The following PCNX2 variants were observed in gnomAD, a reference collection of about 807,000 sequenced individuals.
PCNX2 encodes the protein pecanex-like protein 2.
PCNX2 carries 168 observed loss-of-function variants against 223.8 expected under a neutral mutation model. That is an observed-to-expected ratio of 0.75 (90% CI 0.66 to 0.85). The LOEUF is 0.85. Ranked by LOEUF, PCNX2 falls within the 40% of genes least tolerant of loss-of-function variation. PCNX2 has a pLI of 0.00. For synonymous variants in PCNX2, 1,006 were observed against 1,052.6 expected (o/e 0.96, Z 0.86); for missense variants, 2,507 against 2,675.5 (o/e 0.94, Z 1.39).
intron 10 of PCNX2, among the ~76,000 whole-genome samples, chr1:233,226,269 T>G (rs1167017093): frequency 6.6e-6 from 1 of 152,042 alleles, no homozygotes; most frequent in Non-Finnish European, 1.5e-5. Context: ...TCATGTTTTC[T>G]TTTTTCTGGG....
chr1:233,219,623 C>G (rs1404993614), intron 10 of PCNX2, among the ~76,000 whole-genome samples: 4 of 151,834 alleles, frequency 2.6e-5, no homozygotes, highest in Non-Finnish European at 5.9e-5. Flanking sequence ...CAATTGTGAA[C>G]ATTTAAAAAA....
chr1:233,112,784 A>G, intron 21 of PCNX2: 1 of 1,192,298 alleles, frequency 8.4e-7, no homozygotes, highest in South Asian at 1.6e-5. Flanking sequence ...TGAAGAAAAA[A>G]ATTTTAAGTC....
chr1:233,188,434 C>A (rs1680227744), intron 15 of PCNX2, among the ~76,000 whole-genome samples: 1 of 152,118 alleles, frequency 6.6e-6, no homozygotes, highest in Non-Finnish European at 1.5e-5. Context: ...TTTTTCTGTC[C>A]CTGCCCTCTG....
At chr1:233,097,738 T>C (rs1330415481) in intron 21 of PCNX2, among the ~76,000 whole-genome samples, 1 of 152,218 alleles carries the variant, frequency 6.6e-6, no homozygotes, top group African/African-American at 2.4e-5. Flanking sequence ...TACCAGTCAT[T>C]AGGTGACTCC....
At chr1:233,132,120 A>G (rs1057017005) in intron 21 of PCNX2, among the ~76,000 whole-genome samples, 3 of 152,028 alleles carry the variant, frequency 2.0e-5, no homozygotes, top group Non-Finnish European at 4.4e-5. Context: ...TTGTATTTTC[A>G]GTAGAGATGA....
intron 21 of PCNX2, among the ~76,000 whole-genome samples, chr1:233,103,874 T>C (rs561583383): frequency 1.3e-5 from 2 of 152,270 alleles, no homozygotes; most frequent in South Asian, 4.1e-4. Flanking sequence ...TTCTCTATAG[T>C]GGTTTACTAA....
upstream of PCNX2, among the ~76,000 whole-genome samples, chr1:233,297,392 G>T (rs898711019): frequency 1.3e-5 from 2 of 152,208 alleles, no homozygotes; most frequent in African/African-American, 4.8e-5. Flanking sequence ...TCAAAGACTT[G>T]CAATAAAATG....
chr1:233,183,931 C>T (rs1558319222), intron 15 of PCNX2, among the ~76,000 whole-genome samples: 2 of 152,214 alleles, frequency 1.3e-5, no homozygotes, highest in South Asian at 2.1e-4. Flanking sequence ...ATAGGGCTGG[C>T]TCTTCCATCC....
intron 1 of PCNX2, among the ~76,000 whole-genome samples, chr1:233,286,477 G>T (rs1452204754): frequency 1.3e-5 from 2 of 152,182 alleles, no homozygotes; most frequent in African/African-American, 4.8e-5. Context: ...CTCCTAGAGT[G>T]TGGTGGGGAA....
intron 1 of PCNX2, among the ~76,000 whole-genome samples, chr1:233,267,269 A>G (rs1327929621): frequency 3.3e-5 from 5 of 149,672 alleles, no homozygotes; most frequent in African/African-American, 1.2e-4. Context: ...ATGAGCCAAG[A>G]TCGCACGCAC....
At chr1:233,241,193 T>G in intron 8 of PCNX2, 3 of 985,378 alleles carry the variant, frequency 3.0e-6, no homozygotes, top group Non-Finnish European at 3.6e-6. Context: ...ACAGTAAAAT[T>G]TGTGTGAGTA....
At chr1:233,070,025 TG>T (rs1672782047) in intron 23 of PCNX2, among the ~76,000 whole-genome samples, 1 of 152,194 alleles carries the variant, frequency 6.6e-6, no homozygotes, top group Admixed American at 6.5e-5. Context: ...TACAAATAAC[TG>T]TATACACTAC....
At chr1:233,254,668 T>C (rs546440806) in intron 5 of PCNX2, among the ~76,000 whole-genome samples, 1 of 151,468 alleles carries the variant, frequency 6.6e-6, no homozygotes, top group Non-Finnish European at 1.5e-5. Context: ...ATTTGATATA[T>C]ATCACACCAG....
intron 23 of PCNX2, among the ~76,000 whole-genome samples, chr1:233,079,218 C>A (rs747006222): frequency 9.2e-5 from 14 of 152,096 alleles, no homozygotes; most frequent in Non-Finnish European, 1.6e-4. Flanking sequence ...TGCTTTTGCG[C>A]CATCACTCTC....
chr1:233,002,331 C>G (rs1375608808), intron 28 of PCNX2, among the ~76,000 whole-genome samples: 1 of 151,870 alleles, frequency 6.6e-6, no homozygotes, highest in Non-Finnish European at 1.5e-5. Flanking sequence ...AATCAATGTG[C>G]AAAAATCACA....
chr1:233,188,087 C>T (rs1680206787), intron 15 of PCNX2, among the ~76,000 whole-genome samples: 1 of 152,198 alleles, frequency 6.6e-6, no homozygotes, highest in African/African-American at 2.4e-5. Flanking sequence ...TAAAATAACA[C>T]AAATGTATGA....
At chr1:233,041,900 T>G (rs755499563) in intron 25 of PCNX2, among the ~76,000 whole-genome samples, 1 of 152,244 alleles carries the variant, frequency 6.6e-6, no homozygotes, top group Non-Finnish European at 1.5e-5. Flanking sequence ...GCCGAGATAG[T>G]GACACCTTTA....
At position 233,295,125 on chromosome 1, in the gene PCNX2, CTTCTT is replaced by C. The variant is rs1259694333; in HGVS notation, c.153+196_153+200del. 6.6e-6 allele frequency among the ~76,000 whole-genome samples: 1 copy of C among 152,148 alleles called. No individual in the cohort carries two copies. Among genetic ancestry groups the C allele is most frequent in the African/African-American group, 2.4e-5 (1 of 41,430 alleles). On this transcript the variant is annotated intron_variant, in intron 1 of 33. Coordinates refer to ENST00000258229, the MANE Select transcript of PCNX2 (RefSeq NM_014801.4). The surrounding 1 kb of genome is among the most constrained non-coding windows in gnomAD (Gnocchi z 4.1). ...CCCCGAGCCCCCGCAGTCCTGTCTA[CTTCTT>C]TTCTTTTCCAGTGAATCCTCACAGT...
chr1:233,265,533 T>G (rs375211182), intron 1 of PCNX2, among the ~76,000 whole-genome samples: 1 of 152,200 alleles, frequency 6.6e-6, no homozygotes, highest in Non-Finnish European at 1.5e-5. Context: ...GTTTTCCAGA[T>G]GATATGTCTA....
Sources: gnomAD v4.1 joint callset for allele counts (sites outside exome capture counted in the v4.1 genomes callset) on GRCh38, gnomAD v4.1.1 for gene constraint, Gnocchi (gnomAD v3.1) non-coding constraint, MANE v1.5 for transcripts, NCBI Gene and HGNC (gene_info 2026-07-23, HGNC 2026-07-21) for gene names.